RBFOX1: variants seen among roughly 807,000 people sequenced by gnomAD.
RBFOX1 encodes RNA binding protein fox-1 homolog 1.
Under a neutral mutation model 57.7 loss-of-function variants are expected in RBFOX1, and 8 were observed. That is an observed-to-expected ratio of 0.14 (90% confidence interval 0.08 to 0.25). The LOEUF (loss-of-function observed/expected upper bound fraction) is 0.25, where lower values mean the gene tolerates loss of function less well. Ranked by LOEUF, RBFOX1 falls within the 10% of genes least tolerant of loss-of-function variation. RBFOX1 has a pLI of 1.00. For missense variants in RBFOX1, 611 were observed against 548.5 expected (o/e 1.11, Z -1.14); for synonymous variants, 326 against 222.4 (o/e 1.47, Z -4.15).
At chr16:7,400,232 T>G (rs2148763219) in intron 4 of RBFOX1, among the ~76,000 whole-genome samples, 1 of 152,288 alleles carries the variant, frequency 6.6e-6, no homozygotes, top group East Asian at 1.9e-4. Context: ...AAATTGCACC[T>G]TCCCCAAAGC....
Position 7,183,117 on chromosome 16 carries a change from C to T in RBFOX1, c.27+131019C>T, listed in dbSNP as rs77583923. Among the ~76,000 whole-genome samples, 283 of 152,190 alleles carry T rather than the reference C, an allele frequency of 1.9e-3. 3 individuals are homozygous for T. In the East Asian group the frequency reaches 0.046, roughly 25 times the overall value. On this transcript the variant is annotated intron_variant, in intron 4 of 15. Coordinates refer to ENST00000550418, the MANE Select transcript of RBFOX1 (RefSeq NM_018723.4). ...TTTCCTAGGAGAGAGAATTGAATTGCCCCAGCTGGGATCAGTATTCAACCC... is the reference window on the plus strand; with the variant it reads ...TTTCCTAGGAGAGAGAATTGAATTGTCCCAGCTGGGATCAGTATTCAACCC...
intron 1 of RBFOX1, among the ~76,000 whole-genome samples, chr16:5,283,572 G>C (rs2063323265): frequency 6.6e-6 from 1 of 152,158 alleles, no homozygotes; most frequent in African/African-American, 2.4e-5. Flanking sequence ...TCTTACATCA[G>C]CATGACCTGC....
chr16:7,535,448 A>G (rs1011946135), intron 5 of RBFOX1, among the ~76,000 whole-genome samples: 2 of 152,212 alleles, frequency 1.3e-5, no homozygotes, highest in South Asian at 4.1e-4. Flanking sequence ...ACAGTGTTTG[A>G]TACCTCAGCA....
intron 4 of RBFOX1, among the ~76,000 whole-genome samples, chr16:7,267,788 G>A (rs537600604): frequency 2.0e-5 from 3 of 152,192 alleles, no homozygotes; most frequent in East Asian, 3.9e-4. Flanking sequence ...CCTGGGAGGC[G>A]GAGGCTGCAG....
At chr16:6,498,899 C>G (rs1273890317) in intron 2 of RBFOX1, among the ~76,000 whole-genome samples, 1 of 152,188 alleles carries the variant, frequency 6.6e-6, no homozygotes, top group Non-Finnish European at 1.5e-5. Context: ...ACTGACACCA[C>G]CTTCTATAGG....
intron 3 of RBFOX1, among the ~76,000 whole-genome samples, chr16:6,932,322 G>T (rs1171910779): frequency 6.6e-6 from 1 of 152,048 alleles, no homozygotes; most frequent in African/African-American, 2.4e-5. Context: ...GGCCAAGCTG[G>T]TCTCAAACTC....
At chr16:5,410,212 A>G (rs2066982802) in intron 1 of RBFOX1, among the ~76,000 whole-genome samples, 1 of 151,868 alleles carries the variant, frequency 6.6e-6, no homozygotes, top group South Asian at 2.1e-4. Context: ...AAAGAAAAAA[A>G]CTACAAAAAT....
intron 3 of RBFOX1, chr16:6,776,040 T>G (rs2079274835): frequency 6.6e-6 from 1 of 152,180 alleles, no homozygotes; most frequent in African/African-American, 2.4e-5. Context: ...ACACTTTACT[T>G]TCTTGGATCA....
At chr16:6,034,288 C>T (rs575249990) in intron 1 of RBFOX1, among the ~76,000 whole-genome samples, 18 of 129,886 alleles carry the variant, frequency 1.4e-4, no homozygotes, top group African/African-American at 2.4e-4. Context: ...GCTGAGATTG[C>T]GCCACTGCAC....
chr16:5,532,222 C>T (rs1236590904), intron 2 of RBFOX1, among the ~76,000 whole-genome samples: 1 of 152,156 alleles, frequency 6.6e-6, no homozygotes, highest in Non-Finnish European at 1.5e-5. Flanking sequence ...TGAGCAGCAC[C>T]CAGGGCCTCT....
chr16:6,785,649 A>G (rs534786260), intron 3 of RBFOX1, among the ~76,000 whole-genome samples: 17 of 152,246 alleles, frequency 1.1e-4, no homozygotes, highest in South Asian at 1.0e-3. Context: ...CACTTACCTA[A>G]TATTTATTTC....
At chr16:7,049,214 T>G (rs1482617938) in intron 3 of RBFOX1, among the ~76,000 whole-genome samples, 1 of 152,178 alleles carries the variant, frequency 6.6e-6, no homozygotes, top group Non-Finnish European at 1.5e-5. Flanking sequence ...TGTTTGTTTT[T>G]AATTTTTCTG....
At chr16:7,478,103 G>C (rs2050749828) in intron 4 of RBFOX1, among the ~76,000 whole-genome samples, 1 of 152,210 alleles carries the variant, frequency 6.6e-6, no homozygotes. Flanking sequence ...ATTAAGGAGT[G>C]CAGTTGAATC....
At chr16:6,898,003 C>G (rs890939261) in intron 3 of RBFOX1, among the ~76,000 whole-genome samples, 2 of 152,122 alleles carry the variant, frequency 1.3e-5, no homozygotes, top group East Asian at 1.9e-4. Flanking sequence ...ACTACAGGCT[C>G]CACATGGACA....
At chr16:6,675,667 G>C (rs1202692392) in intron 3 of RBFOX1, among the ~76,000 whole-genome samples, 1 of 152,224 alleles carries the variant, frequency 6.6e-6, no homozygotes, top group African/African-American at 2.4e-5. Context: ...AATCATGGCA[G>C]AAGGAAAGCA....
rs575814245 is a variant in RBFOX1 at position 7,014,801 on chromosome 16, T to G, written c.-15-37256T>G. ...GTGCAGTGGCACTGTCTCGGCTCAC[T>G]GCAACCTCCGTCTCCAGGATTCAAG... On this transcript the variant is annotated intron_variant, in intron 3 of 15. Coordinates refer to ENST00000550418, the MANE Select transcript of RBFOX1 (RefSeq NM_018723.4). Among the ~76,000 whole-genome samples, 280 of 152,252 alleles carry G rather than the reference T, an allele frequency of 1.8e-3. 4 individuals are homozygous for G. The highest frequency in any genetic ancestry group is 5.0e-4 in the Non-Finnish European group (34 of 68,006).
chr16:5,706,191 G>A (rs536426724), intron 3 of RBFOX1, among the ~76,000 whole-genome samples: 23 of 152,326 alleles, frequency 1.5e-4, no homozygotes, highest in East Asian at 3.9e-4. Flanking sequence ...GATTACAGGC[G>A]TGGGCCATGG....
intron 3 of RBFOX1, among the ~76,000 whole-genome samples, chr16:5,814,016 C>A (rs1241523724): frequency 6.6e-6 from 1 of 152,196 alleles, no homozygotes; most frequent in East Asian, 1.9e-4. Flanking sequence ...TTATTTTAAG[C>A]AATTAGGATA....
rs559731317 is a variant in RBFOX1 at position 5,539,435 on chromosome 16, A to G, written c.259-59467A>G. Among the ~76,000 whole-genome samples the G allele has an allele frequency of 2.6e-5, 4 of 151,286 alleles. No individual in the cohort carries two copies. In the Admixed American group the frequency reaches 2.6e-4, roughly 10 times the overall value. ...TGACAAAACCCTGTCTCTACTGAAA[A>G]TACAAAATTAGCCGGGTGTAGTGGA... On this transcript the variant is annotated intron_variant, in intron 2 of 2. Transcript: ENST00000585867.
Sources: gnomAD v4.1 joint callset for allele counts (sites outside exome capture counted in the v4.1 genomes callset) on GRCh38, gnomAD v4.1.1 for gene constraint, MANE v1.5 for transcripts, NCBI Gene and HGNC (gene_info 2026-07-23, HGNC 2026-07-21) for gene names.